The following CSNK1G2 variants were observed in gnomAD, a reference collection of about 807,000 sequenced individuals.
CSNK1G2 encodes the protein casein kinase I isoform gamma-2.
A neutral mutation model predicts 48.0 loss-of-function variants in CSNK1G2; 11 were observed. The ratio of observed to expected loss-of-function variants is 0.23; its 90% CI spans 0.14 to 0.38. CSNK1G2 has a LOEUF of 0.38. Among genes scored for constraint, CSNK1G2 ranks in the 10% least tolerant of loss-of-function variants. The probability of loss-of-function intolerance (pLI) is 1.00; values close to 1 mark genes in which losing one functional copy is unlikely to be tolerated. For synonymous variants in CSNK1G2, 337 were observed against 254.1 expected (o/e 1.33, Z -3.10); for missense variants, 446 against 595.5 (o/e 0.75, Z 2.61).
intron 2 of CSNK1G2, among the ~76,000 whole-genome samples, chr19:1,972,927 TTTG>T (rs1338020132): frequency 2.2e-5 from 3 of 135,884 alleles, no homozygotes; most frequent in African/African-American, 3.3e-5. Flanking sequence ...CCTCGCCTGC[TTTG>T]TTTTTTTTTT....
At chr19:1,951,398 G>A (rs1216016910) in intron 1 of CSNK1G2, among the ~76,000 whole-genome samples, 5 of 141,684 alleles carry the variant, frequency 3.5e-5, no homozygotes, top group South Asian at 2.3e-4. Flanking sequence ...GTGAGACTCC[G>A]TCTCAAAAAA....
chr19:1,974,753 C>T (rs1011040485), intron 2 of CSNK1G2: 1 of 152,266 alleles, frequency 6.6e-6, no homozygotes, highest in Non-Finnish European at 1.5e-5. Flanking sequence ...CCAGGGAGCC[C>T]TGTGCCAAGG....
At chr19:1,976,413 T>TCCTTGTCAA (rs1182125804) in intron 2 of CSNK1G2, among the ~76,000 whole-genome samples, 6 of 152,352 alleles carry the variant, frequency 3.9e-5, no homozygotes, top group African/African-American at 7.2e-5. Context: ...TTGTTGAGGC[T>TCCTTGTCAA]GTTTAGGGAA....
intron 1 of CSNK1G2, among the ~76,000 whole-genome samples, chr19:1,965,063 A>G (rs953695702): frequency 6.7e-6 from 1 of 148,676 alleles, no homozygotes; most frequent in African/African-American, 2.5e-5. Context: ...CTCACTGACA[A>G]CGCACCTGGT....
At chr19:1,968,273 C>G (rs59232036) in intron 1 of CSNK1G2, among the ~76,000 whole-genome samples, 2 of 87,202 alleles carry the variant, frequency 2.3e-5, no homozygotes, top group African/African-American at 1.0e-4. Flanking sequence ...AGGCTGCCCC[C>G]GACCACCCTT....
chr19:1,970,914 A>C (rs1395916272), intron 2 of CSNK1G2, among the ~76,000 whole-genome samples: 1 of 152,102 alleles, frequency 6.6e-6, no homozygotes, highest in Non-Finnish European at 1.5e-5. Flanking sequence ...CATGGCAGGC[A>C]CTCAGCCCGA....
At chr19:1,973,752 C>T (rs370784324) in intron 2 of CSNK1G2, among the ~76,000 whole-genome samples, 1 of 152,194 alleles carries the variant, frequency 6.6e-6, no homozygotes, top group African/African-American at 2.4e-5. Flanking sequence ...TCCATTCGCT[C>T]TCAGCTGAGA....
At position 1,942,812 on chromosome 19, in the gene CSNK1G2, G is replaced by A. The variant is rs534769176; in HGVS notation, c.-266+1394G>A. Among the ~76,000 whole-genome samples the A allele has an allele frequency of 1.8e-4, 28 of 152,288 alleles. No homozygotes were observed. The East Asian group carries it at 5.2e-3, about 28-fold the overall frequency. ...TGCCAGGGCCCCCAGGTTTGAAAGG[G>A]GGAAGTTCGCGGTTGTCACTGGTAC... On this transcript the variant is annotated intron_variant, in intron 1 of 11. Coordinates refer to ENST00000255641, the MANE Select transcript of CSNK1G2 (RefSeq NM_001319.7).
At position 1,969,871 on chromosome 19, in the gene CSNK1G2, G is replaced by A. The variant is rs757591975; in HGVS notation, c.99G>A (p.Ser33=). The change falls in exon 2 of 12, where the codon TCG becomes TCA. Residue 33 remains serine (S), a synonymous_variant. Transcript: ENST00000255641. ...GGAGCAGCCACGGCATCCGGAGCTCGGGGACCAGCTCGGGGGTCCTGATGG... is the reference window on the plus strand; with the variant it reads ...GGAGCAGCCACGGCATCCGGAGCTCAGGGACCAGCTCGGGGGTCCTGATGG... ...GGRSSHGIRS[S]GTSSGVLMVG... is the part of the protein sequence containing the mutation. 1.5e-5 allele frequency: 20 copies of A among 1,311,912 alleles called. No individual in the cohort carries two copies. The highest frequency in any genetic ancestry group is 6.1e-5 in the Admixed American group (2 of 32,714). 81.3% of individuals were successfully genotyped at this position (1,311,912 alleles called of 1,614,324 possible).
At chr19:1,942,274 C>G (rs1021592655) in intron 1 of CSNK1G2, among the ~76,000 whole-genome samples, 9 of 152,346 alleles carry the variant, frequency 5.9e-5, no homozygotes, top group Middle Eastern at 3.4e-3. Flanking sequence ...TCTCTCCCAA[C>G]TTTCTTAGGG....
chr19:1,965,260 T>G (rs546012899), intron 1 of CSNK1G2, among the ~76,000 whole-genome samples: 2 of 149,856 alleles, frequency 1.3e-5, no homozygotes, highest in Non-Finnish European at 3.0e-5. Flanking sequence ...GCGGGCGCCT[T>G]TAGTCCCAGC....
At chr19:1,967,410 C>T (rs1313845921) in intron 1 of CSNK1G2, among the ~76,000 whole-genome samples, 1 of 152,174 alleles carries the variant, frequency 6.6e-6, no homozygotes, top group South Asian at 2.1e-4. Flanking sequence ...AACTGTGGTC[C>T]CCCTTCTTCA....
Position 1,975,194 on chromosome 19 carries a change from G to A in CSNK1G2, c.188-3111G>A, listed in dbSNP as rs1332659411. On this transcript the variant is annotated intron_variant, in intron 2 of 11. Transcript: ENST00000255641. Reference sequence around the variant, plus strand: ...CCCGCCCATCAAGACGCTGCCAAGAGCATGAGGCCAGCCAGGCTGGGGAGG... The same window carrying A: ...CCCGCCCATCAAGACGCTGCCAAGAACATGAGGCCAGCCAGGCTGGGGAGG... 8.1e-6 allele frequency: 8 copies of A among 985,380 alleles called. No homozygotes were observed. The South Asian group carries it at 1.4e-4, about 17-fold the overall frequency. 61.0% of individuals were successfully genotyped at this position (985,380 alleles called of 1,614,324 possible). A position where few individuals can be genotyped will look rare whatever the true frequency, so the allele number is the denominator to read the frequency against.
chr19:1,961,786 A>G (rs2015207805), intron 1 of CSNK1G2, among the ~76,000 whole-genome samples: 2 of 152,254 alleles, frequency 1.3e-5, no homozygotes, highest in African/African-American at 2.4e-5. Context: ...TAGGTTAGCC[A>G]TGCGTGGGTG....
At chr19:1,945,180 G>T (rs555614209) in intron 1 of CSNK1G2, among the ~76,000 whole-genome samples, 3 of 152,198 alleles carry the variant, frequency 2.0e-5, no homozygotes, top group Non-Finnish European at 4.4e-5. Context: ...CAGCCTGTGC[G>T]CCCGCAAGGT....
chr19:1,951,498 G>A (rs2014761501), intron 1 of CSNK1G2, among the ~76,000 whole-genome samples: 1 of 146,116 alleles, frequency 6.8e-6, no homozygotes, highest in Non-Finnish European at 1.5e-5. Flanking sequence ...TGGCCCAGCT[G>A]CCTGTGTCCT....
rs150841223 is a variant in CSNK1G2 at position 1,948,447 on chromosome 19, C to A, written c.-266+7029C>A. 3.1e-3 allele frequency among the ~76,000 whole-genome samples: 456 copies of A among 146,760 alleles called. 5 individuals are homozygous for A. Among genetic ancestry groups the A allele is most frequent in the African/African-American group, 0.011 (429 of 39,844 alleles). On this transcript the variant is annotated intron_variant, in intron 1 of 11. Transcript: ENST00000255641. ...CTGAGGGAGGAGAATGGCATGAACC[C>A]GGGAGGCGAAGCTTACAGTGAGCTG...
Position 1,969,653 on chromosome 19 carries a change from G to A in CSNK1G2, c.-120G>A, listed in dbSNP as rs555388675. 28 of 923,554 alleles carry A rather than the reference G, an allele frequency of 3.0e-5. No individual in the cohort carries two copies. The highest frequency in any genetic ancestry group is 5.9e-5 in the South Asian group (1 of 17,046). 57.2% of individuals were successfully genotyped at this position (923,554 alleles called of 1,614,324 possible). Reference sequence around the variant, plus strand: ...CAGTAGCTGGGAGCCACGGGCCCACGCCCGCCCACCGGCCGCAGTGATGTT... The same window carrying A: ...CAGTAGCTGGGAGCCACGGGCCCACACCCGCCCACCGGCCGCAGTGATGTT... On this transcript the variant is annotated 5_prime_UTR_variant, in exon 2 of 12. Coordinates refer to ENST00000255641, the MANE Select transcript of CSNK1G2 (RefSeq NM_001319.7).
At position 1,979,177 on chromosome 19, in the gene CSNK1G2, G is replaced by A; in HGVS notation, c.697G>A (p.Asp233Asn). 1 of 1,530,726 alleles carries A rather than the reference G, an allele frequency of 6.5e-7. No homozygotes were observed. The highest frequency in any genetic ancestry group is 8.8e-7 in the Non-Finnish European group (1 of 1,136,734). 94.8% of individuals were successfully genotyped at this position (1,530,726 alleles called of 1,614,324 possible). ...TGTCCCCGCAGAGCAGAGCCGCCGCGACGACCTGGAGGCGCTGGGCCACAT... is the reference window on the plus strand; with the variant it reads ...TGTCCCCGCAGAGCAGAGCCGCCGCAACGACCTGGAGGCGCTGGGCCACAT... Reference protein sequence around the residue: ...THLGKEQSRRDDLEALGHMFM... With the variant: ...THLGKEQSRRNDLEALGHMFM... The change falls in exon 7 of 12, where the codon GAC becomes AAC. Residue 233 changes from aspartate to asparagine, a missense_variant. This residue lies in a region of CSNK1G2 where 258 missense variants were observed against 415.9 expected (regional missense o/e 0.62). Transcript: ENST00000255641.
Sources: gnomAD v4.1 joint callset for allele counts (sites outside exome capture counted in the v4.1 genomes callset) on GRCh38, gnomAD v4.1.1 for gene constraint, gnomAD v4.1.1 regional missense constraint, MANE v1.5 for transcripts, NCBI Gene and HGNC (gene_info 2026-07-23, HGNC 2026-07-21) for gene names.